Variants in PTRH1 observed in about 807,000 individuals in gnomAD.
PTRH1 encodes peptidyl-tRNA hydrolase.
In PTRH1, 13 loss-of-function variants were observed where a neutral mutation model predicts 15.7. The observed-to-expected ratio is 0.83, with a 90% CI of 0.54 to 1.31. The LOEUF is 1.31. Ranked by LOEUF, PTRH1 falls within the 40% of genes most tolerant of loss-of-function variation. The probability of loss-of-function intolerance (pLI) is 0.00; values close to 1 mark genes in which losing one functional copy is unlikely to be tolerated. For missense variants in PTRH1, 319 were observed against 296.2 expected, an observed-to-expected ratio of 1.08 and a Z score of -0.56; for synonymous variants, 139 against 136.7, an observed-to-expected ratio of 1.02 and a Z score of -0.12.
chr9:127,703,961 G>A (rs1842623031), intron 1 of PTRH1, among the ~76,000 whole-genome samples: 1 of 152,192 alleles, frequency 6.6e-6, no homozygotes, highest in Non-Finnish European at 1.5e-5. Context: ...GAGGGGTGGG[G>A]TGCTGTGTAG....
chr9:127,695,025 C>T, exon 2 of PTRH1: 1 of 702,392 alleles, frequency 1.4e-6, no homozygotes. Context: ...GAGCCCGGCT[C>T]CCAGGAAGCA....
chr9:127,703,566 A>AT (rs1188396388), intron 1 of PTRH1, among the ~76,000 whole-genome samples: 7 of 152,190 alleles, frequency 4.6e-5, no homozygotes, highest in African/African-American at 1.7e-4. Flanking sequence ...TTAGACATGG[A>AT]TTTTTTGAAG....
downstream of PTRH1, chr9:127,713,802 C>T (rs752953662): frequency 3.0e-5 from 48 of 1,600,240 alleles, no homozygotes; most frequent in Middle Eastern, 1.7e-4. Context: ...CCACTGCACC[C>T]GGCCTCCAAG....
In PTRH1 at chr9:127,715,002, C is replaced by G. The variant is rs1564370510; in HGVS notation, c.289G>C (p.Ala97Pro). 4 of 1,432,040 alleles carry G rather than the reference C, an allele frequency of 2.8e-6. No homozygotes were observed. The highest frequency in any genetic ancestry group is 3.7e-6 in the Non-Finnish European group (4 of 1,092,840). The allele number at this position is 1,432,040 out of a possible 1,614,324, so 88.7% of individuals were successfully genotyped here. Reference protein sequence around the residue: ...VLLRPRRLMNANGRSVARAAE... With the variant: ...VLLRPRRLMNPNGRSVARAAE... Reference sequence around the variant, plus strand: ...GCCCGGGCCACGCTGCGCCCGTTGGCGTTCATAAGCCGCCGTGGCCGGAGC... The same window carrying G: ...GCCCGGGCCACGCTGCGCCCGTTGGGGTTCATAAGCCGCCGTGGCCGGAGC... The change falls in exon 2 of 5, where the codon GCC becomes CCC. Residue 97 changes from alanine (A) to proline (P), a missense_variant. By Grantham distance (27) the Ala-to-Pro change is conservative. Coordinates refer to ENST00000543175, the MANE Select transcript of PTRH1 (RefSeq NM_001002913.3). The surrounding 1 kb of genome is among the most constrained non-coding windows in gnomAD (Gnocchi z 5.8).
intron 1 of PTRH1, among the ~76,000 whole-genome samples, chr9:127,704,992 CCCA>C (rs1190786819): frequency 6.6e-6 from 1 of 152,018 alleles, no homozygotes; most frequent in Admixed American, 6.6e-5. Context: ...AAGTGATCCT[CCCA>C]CCTTGGCCTC....
intron 1 of PTRH1, among the ~76,000 whole-genome samples, chr9:127,702,234 A>T (rs575657908): frequency 6.6e-6 from 1 of 151,152 alleles, no homozygotes; most frequent in East Asian, 2.0e-4. Context: ...TTAGGCAGGC[A>T]TGGTGATGGG....
At chr9:127,701,504 G>A (rs1471661034) in intron 1 of PTRH1, among the ~76,000 whole-genome samples, 1 of 152,202 alleles carries the variant, frequency 6.6e-6, no homozygotes, top group Admixed American at 6.5e-5. Flanking sequence ...TCCAGCCCAA[G>A]GATCAGGAGT....
downstream of PTRH1, chr9:127,709,639 C>T (rs764305353): frequency 6.8e-6 from 11 of 1,613,716 alleles, no homozygotes; most frequent in South Asian, 3.3e-5. The surrounding 1 kb of genome is among the most constrained non-coding windows in gnomAD (Gnocchi z 4.7). Context: ...GGCCCAGGTG[C>T]GCCACGAGTT....
chr9:127,712,372 G>A, downstream of PTRH1: 1 of 1,612,284 alleles, frequency 6.2e-7, no homozygotes, highest in Non-Finnish European at 8.5e-7. Context: ...GAGAGAGGGA[G>A]GGCGCAAGGG....
chr9:127,710,650 C>A (rs760945846), downstream of PTRH1: 3 of 1,587,212 alleles, frequency 1.9e-6, no homozygotes, highest in Admixed American at 5.4e-5. Flanking sequence ...AAGAGGAGGT[C>A]ACGGACAAGT....
chr9:127,701,742 G>A (rs1251415724), intron 1 of PTRH1, among the ~76,000 whole-genome samples: 1 of 152,008 alleles, frequency 6.6e-6, no homozygotes, highest in Non-Finnish European at 1.5e-5. Context: ...AGAAATACCG[G>A]TGTCTCCACT....
At chr9:127,707,310 TC>T in intron 1 of PTRH1, 1 of 1,083,530 alleles carries the variant, frequency 9.2e-7, no homozygotes, top group Non-Finnish European at 1.3e-6. Context: ...CCCTGGGATG[TC>T]CAGACCCCAT....
chr9:127,702,244 G>T (rs544289101), intron 1 of PTRH1, among the ~76,000 whole-genome samples: 2 of 151,250 alleles, frequency 1.3e-5, no homozygotes, highest in African/African-American at 4.9e-5. Flanking sequence ...ATGGTGATGG[G>T]CGCCTGTAGT....
rs1225685704 is a variant in PTRH1 at position 127,715,567 on chromosome 9, G to T, written c.73C>A (p.Arg25Ser). 1 of 1,613,398 alleles carries T rather than the reference G, an allele frequency of 6.2e-7. No homozygotes were observed. The highest frequency in any genetic ancestry group is 1.7e-5 in the Admixed American group (1 of 60,008). Reference sequence around the variant, plus strand: ...ACCATCCACCGCTTCCCCGGGGGGCGAGGCTCCAAAACACATCGGCTCATG... The same window carrying T: ...ACCATCCACCGCTTCCCCGGGGGGCTAGGCTCCAAAACACATCGGCTCATG... ...RAMSRCVLEP[R>S]PPGKRWMVAG... Residue 25 changes from arginine (R) to serine (S), a missense_variant, in exon 1 of 5, where the codon CGC becomes AGC. Physicochemically the swap from Arg to Ser is moderately radical, Grantham distance 110 (BLOSUM62 -1). Transcript: ENST00000543175. This position sits in a 1 kb window ranked among gnomAD's most constrained non-coding sequence, Gnocchi z 5.8.
chr9:127,712,982 C>T (rs752500714), downstream of PTRH1: 11 of 1,604,336 alleles, frequency 6.9e-6, no homozygotes, highest in East Asian at 2.3e-5. Flanking sequence ...AAACCTGGCT[C>T]GCCGAAGGCT....
At chr9:127,702,098 G>T (rs2131578235) in intron 1 of PTRH1, among the ~76,000 whole-genome samples, 1 of 152,134 alleles carries the variant, frequency 6.6e-6, no homozygotes, top group East Asian at 1.9e-4. Flanking sequence ...GGTAGGCTGG[G>T]CGTGGTGGCT....
upstream of PTRH1, chr9:127,715,673 C>T (rs1272019551): frequency 2.5e-6 from 4 of 1,601,168 alleles, no homozygotes; most frequent in Non-Finnish European, 3.4e-6. The surrounding 1 kb of genome is among the most constrained non-coding windows in gnomAD (Gnocchi z 5.8). Context: ...CGCCCCCTGA[C>T]GTCATCACCC....
chr9:127,713,136 A>AC, downstream of PTRH1: 1 of 1,609,706 alleles, frequency 6.2e-7, no homozygotes, highest in South Asian at 1.1e-5. Context: ...ATCCCACCCA[A>AC]CCCCCAGGAC....
At chr9:127,706,106 C>T (rs1842644584) in intron 1 of PTRH1, among the ~76,000 whole-genome samples, 1 of 152,266 alleles carries the variant, frequency 6.6e-6, no homozygotes, top group Non-Finnish European at 1.5e-5. Context: ...TGAACTCTTT[C>T]ACAGAGCAGG....
Sources: allele counts gnomAD v4.1 joint callset (sites outside exome capture counted in the v4.1 genomes callset), GRCh38; gene constraint gnomAD v4.1.1; non-coding constraint Gnocchi (gnomAD v3.1); transcripts MANE v1.5; gene names NCBI Gene and HGNC (gene_info 2026-07-23, HGNC 2026-07-21).